The following SMIM27 variants were observed in gnomAD, a reference collection of about 807,000 sequenced individuals.
SMIM27 encodes the protein TOPORS antisense RNA 1 (non-protein coding).
A neutral mutation model predicts 1.8 loss-of-function variants in SMIM27; 3 were observed. The observed-to-expected ratio is 1.65, with a 90% confidence interval of 0.75 to 4.28. SMIM27 has a LOEUF of 4.28. Ranked by LOEUF, SMIM27 falls within the 30% of genes most tolerant of loss-of-function variation. The pLI is 0.02. For synonymous variants in SMIM27, 19 were observed against 13.9 expected (o/e 1.37, Z -0.82); for missense variants, 63 against 37.0 (o/e 1.70, Z -1.83).
chr9:32,556,367 G>A (rs1340379409), downstream of SMIM27, among the ~76,000 whole-genome samples: 10 of 152,220 alleles, frequency 6.6e-5, no homozygotes, highest in Non-Finnish European at 1.0e-4. Context: ...ACATCCTGCC[G>A]TATCTTTGTA....
chr9:32,565,437 T>C (rs1377312537), intron 1 of SMIM27: 2 of 152,136 alleles, frequency 1.3e-5, no homozygotes, highest in Non-Finnish European at 2.9e-5. Flanking sequence ...GCCATGGAAA[T>C]GGAGAGCCAG....
chr9:32,565,244 G>C (rs145637262), intron 1 of SMIM27, among the ~76,000 whole-genome samples: 1 of 151,542 alleles, frequency 6.6e-6, no homozygotes, highest in Non-Finnish European at 1.5e-5. Flanking sequence ...AGTGAGCCGA[G>C]ATCGCGCCAC....
intron 1 of SMIM27, chr9:32,558,918 T>G: frequency 1.3e-6 from 2 of 1,582,062 alleles, no homozygotes; most frequent in Non-Finnish European, 1.7e-6. Context: ...ACAGGGAATA[T>G]TCTGGACTTC....
chr9:32,556,229 G>T (rs1020921607), downstream of SMIM27, among the ~76,000 whole-genome samples: 1 of 152,162 alleles, frequency 6.6e-6, no homozygotes, highest in Non-Finnish European at 1.5e-5. Flanking sequence ...CATGAACAGG[G>T]GTCTGGGAAA....
chr9:32,558,736 A>G (rs1821542940), intron 1 of SMIM27, among the ~76,000 whole-genome samples: 1 of 151,206 alleles, frequency 6.6e-6, no homozygotes, highest in Non-Finnish European at 1.5e-5. Context: ...ACCTCACGGT[A>G]TTTCTTCCTG....
At chr9:32,563,123 A>G (rs909706984) in intron 1 of SMIM27, among the ~76,000 whole-genome samples, 5 of 152,144 alleles carry the variant, frequency 3.3e-5, no homozygotes, top group Admixed American at 6.5e-5. Flanking sequence ...TTTGGCAGGA[A>G]TATCACAAAA....
At chr9:32,561,891 T>C (rs1821637387) in intron 1 of SMIM27, among the ~76,000 whole-genome samples, 1 of 152,240 alleles carries the variant, frequency 6.6e-6, no homozygotes, top group Non-Finnish European at 1.5e-5. Flanking sequence ...TGATCTGCCC[T>C]GCTGTCAGAA....
At chr9:32,559,738 G>A (rs1322218068) in intron 1 of SMIM27, among the ~76,000 whole-genome samples, 1 of 152,008 alleles carries the variant, frequency 6.6e-6, no homozygotes, top group Non-Finnish European at 1.5e-5. Flanking sequence ...TTTTTACCCT[G>A]CTTAATTTTT....
At chr9:32,552,528 G>C in intron 1 of SMIM27, 49 bp downstream of exon 1, 1 of 1,534,364 alleles carries the variant, frequency 6.5e-7, no homozygotes, top group Non-Finnish European at 8.9e-7. Flanking sequence ...CACTGGGCCC[G>C]CAGGCGGAAA....
chr9:32,562,528 T>G (rs1821654949), intron 1 of SMIM27, among the ~76,000 whole-genome samples: 1 of 152,236 alleles, frequency 6.6e-6, no homozygotes, highest in South Asian at 2.1e-4. Flanking sequence ...CTATAATTTG[T>G]TAGACAGTCC....
chr9:32,563,550 T>G (rs141844037), intron 1 of SMIM27, among the ~76,000 whole-genome samples: 12 of 148,562 alleles, frequency 8.1e-5, no homozygotes, highest in African/African-American at 3.0e-4. Context: ...TCTCAAACTC[T>G]TGGCCTCAAG....
At chr9:32,553,293 A>T, downstream of SMIM27, 1 of 179,468 alleles carries the variant, frequency 5.6e-6, no homozygotes, top group Non-Finnish European at 1.2e-5. Flanking sequence ...GGTTCACACC[A>T]ATCTCGTGCC....
intron 1 of SMIM27, among the ~76,000 whole-genome samples, chr9:32,563,449 GATC>G (rs1563994907): frequency 1.4e-5 from 2 of 147,216 alleles, no homozygotes; most frequent in African/African-American, 5.1e-5. Context: ...GGGCTCAAGC[GATC>G]CTCCTGCTTC....
chr9:32,564,279 T>C (rs1294463218), intron 1 of SMIM27, among the ~76,000 whole-genome samples: 1 of 152,200 alleles, frequency 6.6e-6, no homozygotes, highest in African/African-American at 2.4e-5. Flanking sequence ...AACTCCCTTT[T>C]CCGGCAGTGA....
At chr9:32,557,475 TTTTTTCC>T (rs1821498447), downstream of SMIM27, among the ~76,000 whole-genome samples, 1 of 150,342 alleles carries the variant, frequency 6.7e-6, no homozygotes, top group Non-Finnish European at 1.5e-5. Flanking sequence ...CCCTACTTTT[TTTTTTCC>T]TTTTTCCTTT....
At chr9:32,552,547 T>G (rs1248823235) in intron 1 of SMIM27, 68 bp downstream of exon 1, 2 of 1,418,574 alleles carry the variant, frequency 1.4e-6, no homozygotes, top group Non-Finnish European at 1.9e-6. Context: ...AAGGCCCTAT[T>G]TCTTCAGCAC....
downstream of SMIM27, among the ~76,000 whole-genome samples, chr9:32,557,461 T>C (rs536179937): frequency 2.7e-5 from 4 of 150,416 alleles, no homozygotes; most frequent in East Asian, 7.9e-4. Context: ...GAGCCCCCGA[T>C]ACCCCCTACT....
intron 1 of SMIM27, among the ~76,000 whole-genome samples, chr9:32,564,506 TAC>T (rs1300391841): frequency 1.0e-4 from 10 of 98,052 alleles, no homozygotes; most frequent in Non-Finnish European, 1.8e-4. Context: ...ATTCAAATAT[TAC>T]ACTTTTTTAA....
intron 1 of SMIM27, chr9:32,558,893 G>T (rs757530534): frequency 6.7e-7 from 1 of 1,494,672 alleles, no homozygotes; most frequent in Admixed American, 1.8e-5. Context: ...AGAAAAATCA[G>T]AAGTGTTAAG....
Sources: gnomAD v4.1 joint callset for allele counts (sites outside exome capture counted in the v4.1 genomes callset) on GRCh38, gnomAD v4.1.1 for gene constraint, MANE v1.5 for transcripts, NCBI Gene and HGNC (gene_info 2026-07-23, HGNC 2026-07-21) for gene names.